Variants in ELOVL6 observed in about 807,000 individuals in gnomAD.
The protein encoded by ELOVL6 is ELOVL fatty acid elongase 6, also known as very long chain fatty acid elongase 6.
A neutral mutation model predicts 31.7 loss-of-function variants in ELOVL6; 8 were observed. That is an observed-to-expected ratio of 0.25 (90% CI 0.15 to 0.45). ELOVL6 has a LOEUF of 0.45. Ranked by LOEUF, ELOVL6 falls within the 20% of genes least tolerant of loss-of-function variation. ELOVL6 has a pLI of 1.00. For synonymous variants in ELOVL6, 101 were observed against 117.7 expected (o/e 0.86, Z 0.92); for missense variants, 126 against 326.4 (o/e 0.39, Z 4.73).
intron 1 of ELOVL6, among the ~76,000 whole-genome samples, chr4:110,162,535 G>A (rs1029480267): frequency 6.6e-6 from 1 of 151,746 alleles, no homozygotes; most frequent in Admixed American, 6.6e-5. Flanking sequence ...TTGGATACAG[G>A]GTTTTGCTAT....
intron 1 of ELOVL6, among the ~76,000 whole-genome samples, chr4:110,186,757 TTA>T (rs1759451452): frequency 7.2e-6 from 1 of 139,784 alleles, no homozygotes. Flanking sequence ...TGAGTTGAGA[TTA>T]CACCACTGCA....
intron 1 of ELOVL6, among the ~76,000 whole-genome samples, chr4:110,119,568 C>G (rs1303719524): frequency 1.3e-5 from 2 of 152,158 alleles, no homozygotes; most frequent in African/African-American, 4.8e-5. Flanking sequence ...TAAAACTGGT[C>G]AGACAGTGTC....
intron 2 of ELOVL6, among the ~76,000 whole-genome samples, chr4:110,105,217 T>G (rs1417454274): frequency 6.6e-6 from 1 of 152,178 alleles, no homozygotes; most frequent in South Asian, 2.1e-4. Context: ...CAATAATGAA[T>G]TGCTGTACTG....
intron 1 of ELOVL6, among the ~76,000 whole-genome samples, chr4:110,162,536 G>A (rs1470872809): frequency 6.6e-6 from 1 of 151,616 alleles, no homozygotes; most frequent in Non-Finnish European, 1.5e-5. Context: ...TGGATACAGG[G>A]TTTTGCTATG....
At chr4:110,127,282 CT>C (rs1243701922) in intron 1 of ELOVL6, among the ~76,000 whole-genome samples, 2 of 151,636 alleles carry the variant, frequency 1.3e-5, no homozygotes, top group Admixed American at 6.6e-5. Context: ...TGGTGCACAC[CT>C]GTAAACCCAG....
intron 2 of ELOVL6, among the ~76,000 whole-genome samples, chr4:110,077,790 C>T (rs1251630673): frequency 4.6e-5 from 7 of 152,090 alleles, no homozygotes; most frequent in Admixed American, 2.6e-4. Flanking sequence ...CAAACTACTC[C>T]GAGCTAAAGG....
intron 1 of ELOVL6, among the ~76,000 whole-genome samples, chr4:110,175,501 TG>T (rs1759075321): frequency 6.6e-6 from 1 of 152,314 alleles, no homozygotes; most frequent in South Asian, 2.1e-4. Flanking sequence ...TTTTAAATAC[TG>T]ACATATGTAA....
intron 1 of ELOVL6, among the ~76,000 whole-genome samples, chr4:110,157,098 T>C (rs1758452762): frequency 6.6e-6 from 1 of 152,180 alleles, no homozygotes; most frequent in South Asian, 2.1e-4. Context: ...TCTGGGTCAC[T>C]GCCCATTTGG....
intron 1 of ELOVL6, among the ~76,000 whole-genome samples, chr4:110,196,941 G>A (rs1232756575): frequency 2.6e-5 from 4 of 152,202 alleles, no homozygotes; most frequent in African/African-American, 9.6e-5. Context: ...GACTCCAGGG[G>A]GCTGGAGGAC....
At chr4:110,189,654 T>C (rs1759554963) in intron 1 of ELOVL6, among the ~76,000 whole-genome samples, 1 of 148,396 alleles carries the variant, frequency 6.7e-6, no homozygotes, top group Admixed American at 6.7e-5. Context: ...AAGTTATACT[T>C]GTTTACTTGT....
At chr4:110,065,270 GTGTA>G (rs1299667508) in intron 2 of ELOVL6, among the ~76,000 whole-genome samples, 2 of 152,120 alleles carry the variant, frequency 1.3e-5, no homozygotes, top group Non-Finnish European at 2.9e-5. Flanking sequence ...TCTTGTGTAG[GTGTA>G]TGTATTGGGG....
intron 1 of ELOVL6, among the ~76,000 whole-genome samples, chr4:110,192,712 TTTACA>T (rs1759659040): frequency 6.6e-6 from 1 of 152,216 alleles, no homozygotes; most frequent in South Asian, 2.1e-4. Flanking sequence ...CCAGCACAAC[TTTACA>T]TTATTTTCTA....
chr4:110,099,735 G>GGTAACT (rs1756686839), intron 2 of ELOVL6, among the ~76,000 whole-genome samples: 2 of 152,326 alleles, frequency 1.3e-5, no homozygotes, highest in Admixed American at 1.3e-4. Context: ...AACTGGTAGA[G>GGTAACT]GCTCCTTGAA....
chr4:110,175,394 CAT>C (rs1759073082), intron 1 of ELOVL6, among the ~76,000 whole-genome samples: 1 of 151,576 alleles, frequency 6.6e-6, no homozygotes. Context: ...AAAAAAAAGA[CAT>C]AAATATAATG....
chr4:110,197,338 C>T (rs1442018352), intron 1 of ELOVL6, among the ~76,000 whole-genome samples: 1 of 152,212 alleles, frequency 6.6e-6, no homozygotes, highest in African/African-American at 2.4e-5. Flanking sequence ...ACTGGATCGC[C>T]TCCCACACAG....
At chr4:110,122,531 C>T (rs1757383423) in intron 1 of ELOVL6, among the ~76,000 whole-genome samples, 1 of 152,132 alleles carries the variant, frequency 6.6e-6, no homozygotes, top group African/African-American at 2.4e-5. Context: ...TGCTTGTCAC[C>T]ACACCTGGCT....
intron 3 of ELOVL6, among the ~76,000 whole-genome samples, chr4:110,057,186 T>A (rs1310228740): frequency 6.6e-6 from 1 of 152,118 alleles, no homozygotes; most frequent in East Asian, 1.9e-4. Context: ...CACAACACAA[T>A]TAGTCCTTGC....
At chr4:110,095,480 TAAA>T (rs11396794) in intron 2 of ELOVL6, among the ~76,000 whole-genome samples, 1 of 129,086 alleles carries the variant, frequency 7.7e-6, no homozygotes. Context: ...AAACTGTCTT[TAAA>T]AAAAAAAAAA....
chr4:110,144,804 A>C lies in ELOVL6; in HGVS notation c.90-39176T>G, dbSNP rs150214129. ...AATTCTGAATGGAACAGCTGTAATCACTGTGAAGAGGATGTTTGCCAAGAA... is the reference window on the plus strand; with the variant it reads ...AATTCTGAATGGAACAGCTGTAATCCCTGTGAAGAGGATGTTTGCCAAGAA... On this transcript the variant is annotated intron_variant, in intron 1 of 3. Transcript: ENST00000302274. Among the ~76,000 whole-genome samples the C allele has an allele frequency of 2.1e-3, 327 of 152,312 alleles. 1 individual carries two copies. Among genetic ancestry groups the C allele is most frequent in the Non-Finnish European group, 3.1e-3 (209 of 68,006 alleles).
Sources: gnomAD v4.1 joint callset for allele counts (sites outside exome capture counted in the v4.1 genomes callset) on GRCh38, gnomAD v4.1.1 for gene constraint, MANE v1.5 for transcripts, NCBI Gene and HGNC (gene_info 2026-07-23, HGNC 2026-07-21) for gene names.